The following BCKDHB variants were observed in gnomAD, a reference collection of about 807,000 sequenced individuals.
BCKDHB encodes branched chain keto acid dehydrogenase E1 subunit beta, also known as 2-oxoisovalerate dehydrogenase subunit beta, mitochondrial.
BCKDHB carries 41 observed loss-of-function variants against 48.5 expected under a neutral mutation model. The observed-to-expected ratio is 0.85, with a 90% CI of 0.66 to 1.10. The LOEUF is 1.10. Ranked by LOEUF, BCKDHB falls within the 50% of genes least tolerant of loss-of-function variation. BCKDHB has a pLI of 0.00. For synonymous variants in BCKDHB, 201 were observed against 174.8 expected, an observed-to-expected ratio of 1.15 and a Z score of -1.18; for missense variants, 496 against 494.2, an observed-to-expected ratio of 1.00 and a Z score of -0.03.
rs148104949 is a variant in BCKDHB, at chr6:80,205,175, T to A, written c.951+1963T>A. On this transcript the variant is annotated intron_variant, in intron 8 of 9. Transcript: ENST00000320393. ...ATACTTAGCTTTTTCCTGCTAGGATTTAGAGATGATTTTAAAGAAGAGGGC... is the reference window on the plus strand; with the variant it reads ...ATACTTAGCTTTTTCCTGCTAGGATATAGAGATGATTTTAAAGAAGAGGGC... Among the ~76,000 whole-genome samples, 260 of 152,076 alleles carry A rather than the reference T, an allele frequency of 1.7e-3. 1 individual carries two copies. The highest frequency in any genetic ancestry group is 6.0e-3 in the African/African-American group (250 of 41,504).
intron 9 of BCKDHB, among the ~76,000 whole-genome samples, chr6:80,329,581 C>T (rs971643615): frequency 2.0e-5 from 3 of 152,180 alleles, no homozygotes; most frequent in Non-Finnish European, 2.9e-5. Flanking sequence ...TCCCCTGCTT[C>T]CTACTGCTCC....
At chr6:80,394,481 G>A in the BCKDHB span, among the ~76,000 whole-genome samples, 1 of 151,522 alleles carries the variant, frequency 6.6e-6, no homozygotes, top group East Asian at 1.9e-4. Context: ...TGCTCCCTGT[G>A]CTGTCTCTGC....
the BCKDHB span, among the ~76,000 whole-genome samples, chr6:80,392,416 G>T: frequency 6.6e-6 from 1 of 151,378 alleles, no homozygotes; most frequent in South Asian, 2.1e-4. Context: ...TGTAGATATG[G>T]TCCTCTTCTC....
chr6:80,332,967 ACT>A (rs1769393993), intron 9 of BCKDHB, among the ~76,000 whole-genome samples: 2 of 151,946 alleles, frequency 1.3e-5, no homozygotes, highest in Non-Finnish European at 2.9e-5. Flanking sequence ...ACCTACTGTA[ACT>A]CTGATTAAAG....
At chr6:80,243,776 T>A (rs1776492772) in intron 8 of BCKDHB, among the ~76,000 whole-genome samples, 1 of 152,204 alleles carries the variant, frequency 6.6e-6, no homozygotes, top group Non-Finnish European at 1.5e-5. Flanking sequence ...GCTCAAGTGA[T>A]TTTCCTTCTT....
chr6:80,341,080 CAG>C (rs920680900), intron 9 of BCKDHB, among the ~76,000 whole-genome samples: 7 of 152,256 alleles, frequency 4.6e-5, no homozygotes, highest in Non-Finnish European at 8.8e-5. Context: ...CTGTTTCAGT[CAG>C]TTAGCATATA....
intron 6 of BCKDHB, among the ~76,000 whole-genome samples, chr6:80,194,062 A>G (rs558060886): frequency 2.4e-4 from 36 of 152,278 alleles, no homozygotes; most frequent in African/African-American, 8.2e-4. Context: ...GGAAGTATCA[A>G]TGTATAGTGT....
Position 80,237,478 on chromosome 6 carries a change from G to A in BCKDHB, c.951+34266G>A, listed in dbSNP as rs547247585. 4.6e-5 allele frequency among the ~76,000 whole-genome samples: 7 copies of A among 152,254 alleles called. No individual in the cohort carries two copies. In the South Asian group the frequency reaches 1.5e-3, roughly 32 times the overall value. On this transcript the variant is annotated intron_variant, in intron 8 of 9. Coordinates refer to ENST00000320393, the MANE Select transcript of BCKDHB (RefSeq NM_183050.4). ...ATACCAGTGGTTGCGAAAAAATAAT[G>A]CCTGTTACAGAATTATTCATAATAA...
At chr6:80,254,846 G>C (rs747917004) in intron 8 of BCKDHB, among the ~76,000 whole-genome samples, 1 of 152,196 alleles carries the variant, frequency 6.6e-6, no homozygotes, top group Non-Finnish European at 1.5e-5. Flanking sequence ...TTGACAGCTT[G>C]ATTTTGGACT....
intron 9 of BCKDHB, among the ~76,000 whole-genome samples, chr6:80,314,402 A>G (rs1582554286): frequency 6.6e-6 from 1 of 152,184 alleles, no homozygotes; most frequent in Non-Finnish European, 1.5e-5. Context: ...GGGCTGCCCA[A>G]GGTCCACAGG....
the BCKDHB span, among the ~76,000 whole-genome samples, chr6:80,434,871 C>G: frequency 1.3e-5 from 2 of 152,218 alleles, no homozygotes; most frequent in Non-Finnish European, 2.9e-5. Flanking sequence ...TGGCTTTGGG[C>G]AGTTTCCTTT....
At chr6:80,170,223 CA>C (rs1382708598) in intron 5 of BCKDHB, among the ~76,000 whole-genome samples, 2 of 152,076 alleles carry the variant, frequency 1.3e-5, no homozygotes, top group Non-Finnish European at 2.9e-5. Context: ...AAAATAGTGA[CA>C]TTTTTGCTGC....
At chr6:80,231,794 G>A (rs1233886418) in intron 8 of BCKDHB, among the ~76,000 whole-genome samples, 2 of 152,126 alleles carry the variant, frequency 1.3e-5, no homozygotes, top group Non-Finnish European at 1.5e-5. Flanking sequence ...GTGAAACCCC[G>A]TCTCTACTAA....
the BCKDHB span, among the ~76,000 whole-genome samples, chr6:80,392,205 G>T: frequency 6.6e-6 from 1 of 152,010 alleles, no homozygotes. Flanking sequence ...TGTTGTCCAG[G>T]CTGGTCTCTA....
At chr6:80,356,494 C>G in the BCKDHB span, 3 of 152,012 alleles carry the variant, frequency 2.0e-5, no homozygotes, top group Non-Finnish European at 4.4e-5. Context: ...TCATTACATA[C>G]TTTTAAGTAG....
chr6:80,107,031 T>C lies in BCKDHB; in HGVS notation c.196+142T>C, dbSNP rs35447745. On this transcript the variant is annotated intron_variant, in intron 1 of 9. Coordinates refer to ENST00000320393, the MANE Select transcript of BCKDHB (RefSeq NM_183050.4). ...CCTGACTCTCTGGAACCTCCTTGCC[T>C]CAGGGTCTAACTGTGGTTCACTTCT... The C allele has an allele frequency of 0.43, 469,132 of 1,090,954 alleles. 107,363 individuals are homozygous for C. Among genetic ancestry groups the C allele is most frequent in the Admixed American group, 0.61 (29,908 of 49,358 alleles). The allele number at this position is 1,090,954 out of a possible 1,614,324, so 67.6% of individuals were successfully genotyped here. A position where few individuals can be genotyped will look rare whatever the true frequency, so the allele number is the denominator to read the frequency against.
intron 1 of BCKDHB, among the ~76,000 whole-genome samples, chr6:80,111,421 G>T (rs1769400719): frequency 6.6e-6 from 1 of 152,200 alleles, no homozygotes; most frequent in Non-Finnish European, 1.5e-5. Context: ...CAATCTTCCA[G>T]TGCCAGGGGT....
the BCKDHB span, among the ~76,000 whole-genome samples, chr6:80,433,068 C>G: frequency 2.0e-5 from 3 of 152,126 alleles, no homozygotes; most frequent in Non-Finnish European, 2.9e-5. Flanking sequence ...CAGATGCCAG[C>G]CAGAGCTCTC....
intron 9 of BCKDHB, among the ~76,000 whole-genome samples, chr6:80,327,923 CCCCT>C (rs1201406828): frequency 1.5e-5 from 2 of 137,374 alleles, no homozygotes; most frequent in East Asian, 5.0e-4. Context: ...CTTCTCCCCT[CCCCT>C]CCCTCCCTTC....
Sources: gnomAD v4.1 joint callset for allele counts (sites outside exome capture counted in the v4.1 genomes callset) on GRCh38, gnomAD v4.1.1 for gene constraint, MANE v1.5 for transcripts, NCBI Gene and HGNC (gene_info 2026-07-23, HGNC 2026-07-21) for gene names.